Variants in AGMO observed in about 807,000 individuals in gnomAD.
The protein encoded by AGMO is alkylglycerol monooxygenase, also known as glyceryl-ether monooxygenase.
Under a neutral mutation model 60.2 loss-of-function variants are expected in AGMO, and 75 were observed. That is an observed-to-expected ratio of 1.25 (90% CI 1.03 to 1.51). The LOEUF is 1.51. Ranked by LOEUF, AGMO falls within the 40% of genes most tolerant of loss-of-function variation. The probability of loss-of-function intolerance (pLI) is 0.00; values close to 1 mark genes in which losing one functional copy is unlikely to be tolerated. For synonymous variants in AGMO, 261 were observed against 177.1 expected (o/e 1.47, Z -3.76); for missense variants, 763 against 525.5 (o/e 1.45, Z -4.42).
intron 12 of AGMO, among the ~76,000 whole-genome samples, chr7:15,220,323 G>A (rs1012993118): frequency 3.4e-5 from 5 of 147,190 alleles, no homozygotes; most frequent in Non-Finnish European, 5.9e-5. Flanking sequence ...GGGTTCAAAC[G>A]ATTCTCCTGC....
In AGMO at chr7:15,201,205, A is replaced by C; in HGVS notation, c.*80T>G. The C allele has an allele frequency of 1.1e-6, 1 of 893,484 alleles. No homozygotes were observed. The highest frequency in any genetic ancestry group is 2.7e-5 in the Admixed American group (1 of 37,720). The allele number at this position is 893,484 out of a possible 1,614,324, so 55.3% of individuals were successfully genotyped here. The stretch of plus-strand genomic sequence containing the variant: ...AAATAGTTCATATAAGCATTACATA[A>C]AATAATTACATTTTAATATGCAGTC... On this transcript the variant is annotated 3_prime_UTR_variant, in exon 13 of 13. Coordinates refer to ENST00000342526, the MANE Select transcript of AGMO (RefSeq NM_001004320.2).
At chr7:15,161,342 G>A in the AGMO span, among the ~76,000 whole-genome samples, 1 of 152,062 alleles carries the variant, frequency 6.6e-6, no homozygotes, top group South Asian at 2.1e-4. Flanking sequence ...TCTGCCTGCA[G>A]ATGGCCTTTA....
At chr7:15,363,331 T>C (rs956934757) in intron 12 of AGMO, among the ~76,000 whole-genome samples, 4 of 152,162 alleles carry the variant, frequency 2.6e-5, no homozygotes, top group Non-Finnish European at 5.9e-5. Flanking sequence ...TAAGTTCATA[T>C]AAAATAACAG....
chr7:15,191,516 G>A, the AGMO span, among the ~76,000 whole-genome samples: 1 of 152,206 alleles, frequency 6.6e-6, no homozygotes, highest in South Asian at 2.1e-4. Context: ...TGACATAGTT[G>A]AGACTAAACA....
intron 5 of AGMO, among the ~76,000 whole-genome samples, chr7:15,400,544 G>A (rs935918054): frequency 6.6e-6 from 1 of 152,118 alleles, no homozygotes; most frequent in African/African-American, 2.4e-5. Context: ...TTCTAATCTG[G>A]GAGTTGGTGA....
At chr7:15,382,379 T>G (rs1487103784) in intron 10 of AGMO, among the ~76,000 whole-genome samples, 1 of 152,250 alleles carries the variant, frequency 6.6e-6, no homozygotes, top group Admixed American at 6.5e-5. Context: ...TACCACTGTA[T>G]CCTGAGGGCA....
At chr7:15,273,655 G>T (rs1783685499) in intron 12 of AGMO, among the ~76,000 whole-genome samples, 1 of 152,112 alleles carries the variant, frequency 6.6e-6, no homozygotes, top group South Asian at 2.1e-4. Flanking sequence ...CCAACTCTGT[G>T]AAGAAAGTCA....
chr7:15,383,995 G>A (rs1485401469), intron 10 of AGMO, among the ~76,000 whole-genome samples: 1 of 152,030 alleles, frequency 6.6e-6, no homozygotes, highest in Admixed American at 6.6e-5. Context: ...GAGTGCAGTG[G>A]CGCGATCTCG....
intron 3 of AGMO, among the ~76,000 whole-genome samples, chr7:15,457,964 T>C (rs1462480150): frequency 1.3e-5 from 2 of 152,200 alleles, no homozygotes; most frequent in Non-Finnish European, 2.9e-5. Context: ...GGGGGTAAAT[T>C]TGCATAAAAA....
At chr7:15,520,685 G>T (rs1412743000) in intron 3 of AGMO, among the ~76,000 whole-genome samples, 2 of 152,144 alleles carry the variant, frequency 1.3e-5, no homozygotes, top group African/African-American at 4.8e-5. Context: ...AATTCTCTGG[G>T]ACACAGCTAA....
In AGMO at chr7:15,319,268, C is replaced by G. The variant is rs117801882; in HGVS notation, c.1263+46246G>C. Among the ~76,000 whole-genome samples the G allele has an allele frequency of 4.2e-4, 64 of 152,094 alleles. 1 individual carries two copies. The East Asian group carries it at 0.012, about 28-fold the overall frequency. The stretch of plus-strand genomic sequence containing the variant: ...ATTAGTGATGTTAGTGTGGAATTAC[C>G]AGAGTAGGAAATGGGAAAGGACAAA... On this transcript the variant is annotated intron_variant, in intron 12 of 12. Transcript: ENST00000342526.
intron 3 of AGMO, among the ~76,000 whole-genome samples, chr7:15,535,691 G>A (rs1229376933): frequency 6.6e-6 from 1 of 151,756 alleles, no homozygotes; most frequent in Non-Finnish European, 1.5e-5. Flanking sequence ...ATATTTATGG[G>A]GTACATGAGA....
intron 2 of AGMO, among the ~76,000 whole-genome samples, chr7:15,559,768 G>A (rs1164723669): frequency 6.6e-6 from 1 of 152,046 alleles, no homozygotes; most frequent in Non-Finnish European, 1.5e-5. Context: ...GTTATTCAGA[G>A]ATTTGTGTGA....
chr7:15,355,789 T>C (rs1459261439), intron 12 of AGMO, among the ~76,000 whole-genome samples: 2 of 152,034 alleles, frequency 1.3e-5, no homozygotes, highest in African/African-American at 2.4e-5. Context: ...ATAAAAACCA[T>C]TTGCGTGCAG....
At chr7:15,370,031 A>C (rs968164789) in intron 10 of AGMO, among the ~76,000 whole-genome samples, 2 of 152,114 alleles carry the variant, frequency 1.3e-5, no homozygotes, top group African/African-American at 4.8e-5. Flanking sequence ...CATTGTACCC[A>C]ACAATTAGTT....
intron 3 of AGMO, among the ~76,000 whole-genome samples, chr7:15,524,029 T>G (rs954390300): frequency 6.6e-6 from 1 of 152,116 alleles, no homozygotes; most frequent in African/African-American, 2.4e-5. Context: ...TGAAGCCTAG[T>G]AGTAAACTTT....
At chr7:15,120,338 G>A in the AGMO span, among the ~76,000 whole-genome samples, 13 of 152,154 alleles carry the variant, frequency 8.5e-5, no homozygotes, top group East Asian at 1.2e-3. Flanking sequence ...TATCAGAAGC[G>A]TTTGACCCTG....
the AGMO span, among the ~76,000 whole-genome samples, chr7:15,148,250 G>C: frequency 1.3e-5 from 2 of 151,862 alleles, no homozygotes; most frequent in African/African-American, 4.8e-5. Flanking sequence ...AATCTCTTAT[G>C]AGTAAAATGT....
intron 12 of AGMO, among the ~76,000 whole-genome samples, chr7:15,280,917 G>A (rs115812742): frequency 8.5e-4 from 129 of 152,252 alleles, no homozygotes; most frequent in African/African-American, 2.8e-3. Context: ...TCTCCTGCCC[G>A]TTGTTGGGAT....
Sources: allele counts gnomAD v4.1 joint callset (sites outside exome capture counted in the v4.1 genomes callset), GRCh38; gene constraint gnomAD v4.1.1; transcripts MANE v1.5; gene names NCBI Gene and HGNC (gene_info 2026-07-23, HGNC 2026-07-21).